Variants in ACTR3 observed in about 807,000 individuals in gnomAD.
The protein encoded by ACTR3 is actin-related protein 3.
Under a neutral mutation model 56.8 loss-of-function variants are expected in ACTR3, and 12 were observed. The observed-to-expected ratio is 0.21, with a 90% CI of 0.14 to 0.34. The LOEUF (loss-of-function observed/expected upper bound fraction) is 0.34, where lower values mean the gene tolerates loss of function less well. ACTR3 is among the 10% of genes least tolerant of loss of function. The pLI, the probability that ACTR3 is intolerant of heterozygous loss-of-function variation, is 1.00. For synonymous variants in ACTR3, 162 were observed against 167.4 expected (o/e 0.97, Z 0.25); for missense variants, 282 against 512.5 (o/e 0.55, Z 4.34).
intron 3 of ACTR3, among the ~76,000 whole-genome samples, chr2:113,925,282 G>A (rs1432419464): frequency 6.9e-6 from 1 of 145,192 alleles, no homozygotes; most frequent in Non-Finnish European, 1.5e-5. Context: ...TGCAACCTCC[G>A]CCTCCTGGGT....
chr2:113,907,975 CCA>C lies in ACTR3; in HGVS notation c.45-5196_45-5195del, dbSNP rs201530561. On this transcript the variant is annotated intron_variant, in intron 1 of 11. Coordinates refer to ENST00000263238, the MANE Select transcript of ACTR3 (RefSeq NM_005721.5). ...GGCAACAAGAGCAAAACTCTGTCCC[CCA>C]AAAAAAAAAAAAAAAAAAAAAAAAA... Among the ~76,000 whole-genome samples the C allele has an allele frequency of 3.1e-3, 377 of 122,230 alleles. 8 individuals are homozygous for C. Among genetic ancestry groups the C allele is most frequent in the African/African-American group, 0.012 (344 of 29,366 alleles). 80.2% of individuals were successfully genotyped at this position (122,230 alleles called of 152,430 possible).
chr2:113,893,984 T>G (rs1678956583), intron 1 of ACTR3, among the ~76,000 whole-genome samples: 1 of 152,206 alleles, frequency 6.6e-6, no homozygotes, highest in Non-Finnish European at 1.5e-5. Context: ...AAGAATGATC[T>G]TGTTTGAAGA....
intron 6 of ACTR3, 109 bp downstream of exon 6, chr2:113,934,495 T>C: frequency 1.5e-6 from 1 of 666,856 alleles, no homozygotes; most frequent in East Asian, 3.0e-5. Flanking sequence ...TGCACTATAA[T>C]TTGGCCATTT....
At chr2:113,907,755 C>G (rs1679222408) in intron 1 of ACTR3, among the ~76,000 whole-genome samples, 2 of 151,908 alleles carry the variant, frequency 1.3e-5, no homozygotes, top group Non-Finnish European at 2.9e-5. Flanking sequence ...GGCTGATCAC[C>G]TGAGATCAGG....
At chr2:113,902,887 C>A (rs1042333992) in intron 1 of ACTR3, among the ~76,000 whole-genome samples, 1 of 152,242 alleles carries the variant, frequency 6.6e-6, no homozygotes, top group Non-Finnish European at 1.5e-5. Flanking sequence ...GGATGAGCCA[C>A]TGCTTCTGGC....
chr2:113,949,643 C>T (rs775605780), intron 8 of ACTR3, among the ~76,000 whole-genome samples: 6 of 151,972 alleles, frequency 3.9e-5, no homozygotes, highest in Non-Finnish European at 7.4e-5. Context: ...CTCAGTGTAA[C>T]CTCGAATTCC....
At position 113,890,236 on chromosome 2, in the gene ACTR3, C is replaced by T; in HGVS notation, c.-44C>T. 1 of 1,550,958 alleles carries T rather than the reference C, an allele frequency of 6.4e-7. No homozygotes were observed. Among genetic ancestry groups the T allele is most frequent in the East Asian group, 2.4e-5 (1 of 40,890 alleles). On this transcript the variant is annotated 5_prime_UTR_variant, in exon 1 of 12. Coordinates refer to ENST00000263238, the MANE Select transcript of ACTR3 (RefSeq NM_005721.5). Reference sequence around the variant, plus strand: ...GCCGCCAATCTCTGGCCCCTAGCAGCACGGAGCAGACGGCGGCAGCAGCAG... The same window carrying T: ...GCCGCCAATCTCTGGCCCCTAGCAGTACGGAGCAGACGGCGGCAGCAGCAG...
rs1330560283 is a variant in ACTR3, at chr2:113,957,521, T to C, written c.*66T>C. The C allele has an allele frequency of 3.4e-5, 45 of 1,314,756 alleles. 1 individual carries two copies. The East Asian group carries it at 1.0e-3, about 31-fold the overall frequency. 81.4% of individuals were successfully genotyped at this position (1,314,756 alleles called of 1,614,324 possible). On this transcript the variant is annotated 3_prime_UTR_variant, in exon 12 of 12. Transcript: ENST00000263238. ...AGATAATCTTTCTGATTACCTGTTT[T>C]GTCTGGATGGCTGGTTTTGAGGTTT...
chr2:113,946,030 T>C (rs1559487757), intron 8 of ACTR3, among the ~76,000 whole-genome samples: 2 of 152,222 alleles, frequency 1.3e-5, no homozygotes, highest in Non-Finnish European at 2.9e-5. Flanking sequence ...ACATTTTCTT[T>C]ATCCAGTCTA....
At chr2:113,890,824 G>A in intron 1 of ACTR3, 1 of 988,638 alleles carries the variant, frequency 1.0e-6, no homozygotes, top group Non-Finnish European at 1.2e-6. Context: ...CCAGGGTGTG[G>A]GTGGGGAAAG....
At position 113,951,783 on chromosome 2, in the gene ACTR3, T is replaced by G. The variant is rs1249363137; in HGVS notation, c.1015T>G (p.Leu339Val). 4 of 1,613,652 alleles carry G rather than the reference T, an allele frequency of 2.5e-6. No homozygotes were observed. In the Admixed American group the frequency reaches 6.7e-5, roughly 27 times the overall value. ...CTTTGGACGTCGCTTGCAAAGAGAT[T>G]TGAAAAGAACTGTAGATGCCCGGCT... ...RDFGRRLQRD[L>V]KRTVDARLKL... Residue 339 changes from leucine (L) to valine (V), a missense_variant, in exon 10 of 12, where the codon TTG (leucine) becomes GTG (valine). Leu to Val is a conservative substitution (Grantham distance 32). Transcript: ENST00000263238.
At chr2:113,906,016 A>T (rs1317155868) in intron 1 of ACTR3, among the ~76,000 whole-genome samples, 2 of 152,204 alleles carry the variant, frequency 1.3e-5, no homozygotes, top group African/African-American at 4.8e-5. Flanking sequence ...ATATACCCAG[A>T]AGTGGAATTG....
At chr2:113,948,124 GTTA>G (rs1270972245) in intron 8 of ACTR3, among the ~76,000 whole-genome samples, 2 of 152,020 alleles carry the variant, frequency 1.3e-5, no homozygotes, top group Admixed American at 1.3e-4. Context: ...GAATTGCTTG[GTTA>G]TATTGCAACT....
intron 11 of ACTR3, among the ~76,000 whole-genome samples, chr2:113,956,749 CTG>C (rs1435998217): frequency 6.6e-6 from 1 of 152,184 alleles, no homozygotes; most frequent in Non-Finnish European, 1.5e-5. Context: ...TATTGAATAA[CTG>C]TACAACTTTG....
intron 6 of ACTR3, among the ~76,000 whole-genome samples, chr2:113,938,127 GT>G (rs962463543): frequency 2.1e-4 from 32 of 151,540 alleles, no homozygotes; most frequent in Admixed American, 1.6e-3. Flanking sequence ...CTCATCTAGT[GT>G]TTTTCTTTTC....
intron 3 of ACTR3, among the ~76,000 whole-genome samples, chr2:113,925,172 C>T (rs990385010): frequency 5.5e-5 from 8 of 144,930 alleles, no homozygotes; most frequent in African/African-American, 1.8e-4. Flanking sequence ...GCTGGGATTA[C>T]AGGCGTGAGC....
At chr2:113,934,590 A>G (rs140080402) in intron 6 of ACTR3, 89 of 347,674 alleles carry the variant, frequency 2.6e-4, no homozygotes, top group Non-Finnish European at 3.8e-4. Context: ...TTTGTACTGC[A>G]ATTAAGAAAA....
chr2:113,893,433 A>G (rs910500293), intron 1 of ACTR3, among the ~76,000 whole-genome samples: 1 of 152,218 alleles, frequency 6.6e-6, no homozygotes, highest in Admixed American at 6.5e-5. Flanking sequence ...AGCTGGGACT[A>G]CAGGCACATG....
At chr2:113,935,256 T>C (rs1055443272) in intron 6 of ACTR3, among the ~76,000 whole-genome samples, 1 of 152,174 alleles carries the variant, frequency 6.6e-6, no homozygotes, top group Admixed American at 6.5e-5. Flanking sequence ...AGTGTACAGT[T>C]CATTGATTTT....
Sources: gnomAD v4.1 joint callset for allele counts (sites outside exome capture counted in the v4.1 genomes callset) on GRCh38, gnomAD v4.1.1 for gene constraint, MANE v1.5 for transcripts, NCBI Gene and HGNC (gene_info 2026-07-23, HGNC 2026-07-21) for gene names.